CEP57: variants seen among roughly 807,000 people sequenced by gnomAD.
The protein encoded by CEP57 is centrosomal protein 57.
In CEP57, 40 loss-of-function variants were observed where a neutral mutation model predicts 68.0. That is an observed-to-expected ratio of 0.59 (90% CI 0.46 to 0.77). CEP57 has a LOEUF of 0.77. Ranked by LOEUF, CEP57 falls within the 30% of genes least tolerant of loss-of-function variation. CEP57 has a pLI of 0.00. For synonymous variants in CEP57, 219 were observed against 198.7 expected (o/e 1.10, Z -0.86); for missense variants, 606 against 580.7 (o/e 1.04, Z -0.45).
rs146538238 is a variant in CEP57 at position 95,831,156 on chromosome 11, T to A, written c.1403T>A (p.Leu468Gln). 43 of 1,613,378 alleles carry A rather than the reference T, an allele frequency of 2.7e-5. No homozygotes were observed. In the African/African-American group the frequency reaches 4.4e-4, roughly 17 times the overall value. Reference sequence around the variant, plus strand: ...ACAAATAAGAAAGATTTTATGAAACTGAGACCTGGAGAAAAAAGGAGAAAA... The same window carrying A: ...ACAAATAAGAAAGATTTTATGAAACAGAGACCTGGAGAAAAAAGGAGAAAA... ...GTTNKKDFMK[L>Q]RPGEKRRKNL... The change falls in exon 11 of 11, where the codon CTG becomes CAG. Residue 468 changes from leucine (L) to glutamine (Q), a missense_variant. By Grantham distance (113) the Leu-to-Gln change is moderately radical. Coordinates refer to ENST00000325542, the MANE Select transcript of CEP57 (RefSeq NM_014679.5).
chr11:95,800,602 A>G (rs1263693780), intron 2 of CEP57, among the ~76,000 whole-genome samples: 1 of 152,048 alleles, frequency 6.6e-6, no homozygotes, highest in African/African-American at 2.4e-5. Context: ...ATGTTGGCCC[A>G]GATGGTCTCA....
intron 2 of CEP57, among the ~76,000 whole-genome samples, chr11:95,812,092 T>G (rs1256652645): frequency 6.6e-6 from 1 of 152,158 alleles, no homozygotes; most frequent in Non-Finnish European, 1.5e-5. Context: ...TCAACATAAT[T>G]TTATAATCAA....
chr11:95,806,552 A>T (rs1861809761), intron 2 of CEP57, among the ~76,000 whole-genome samples: 1 of 152,150 alleles, frequency 6.6e-6, no homozygotes, highest in Non-Finnish European at 1.5e-5. Flanking sequence ...TGGTCTTAGC[A>T]AACGGCACAC....
rs1863046884 is a variant in CEP57, at chr11:95,832,454, G to A, written c.*1198G>A. The A allele has an allele frequency of 6.6e-6, 1 of 152,026 alleles. No homozygotes were observed. The highest frequency in any genetic ancestry group is 2.1e-4 in the South Asian group (1 of 4,826). 9.4% of individuals were successfully genotyped at this position (152,026 alleles called of 1,614,324 possible). Reference sequence around the variant, plus strand: ...TTAATTTAGGATCCTTAAGATTTTGGGGTATTATTTGTGACTCTCCTGAAA... The same window carrying A: ...TTAATTTAGGATCCTTAAGATTTTGAGGTATTATTTGTGACTCTCCTGAAA... On this transcript the variant is annotated 3_prime_UTR_variant, in exon 11 of 11. Coordinates refer to ENST00000325542, the MANE Select transcript of CEP57 (RefSeq NM_014679.5).
At chr11:95,823,698 T>A (rs1322393348) in intron 8 of CEP57, among the ~76,000 whole-genome samples, 1 of 152,194 alleles carries the variant, frequency 6.6e-6, no homozygotes, top group Non-Finnish European at 1.5e-5. Flanking sequence ...GTACGACTGA[T>A]AATTTTGTAG....
intron 1 of CEP57, among the ~76,000 whole-genome samples, chr11:95,791,076 C>T (rs1861035220): frequency 6.6e-6 from 1 of 152,194 alleles, no homozygotes; most frequent in South Asian, 2.1e-4. Context: ...CTCTTTTGGT[C>T]ACGTGGGTTC....
At chr11:95,819,020 C>A (rs1257383239) in intron 6 of CEP57, 116 bp downstream of exon 6, 17 of 814,292 alleles carry the variant, frequency 2.1e-5, no homozygotes, top group Non-Finnish European at 3.3e-5. Flanking sequence ...GTCCAACATA[C>A]AAATTTTCAG....
intron 4 of CEP57, 33 bp downstream of exon 4, chr11:95,813,622 G>T: frequency 1.2e-6 from 2 of 1,610,374 alleles, no homozygotes; most frequent in South Asian, 1.1e-5. Flanking sequence ...TGATACTCAA[G>T]AACAGTTATG....
chr11:95,808,510 AAAG>A (rs1861909833), intron 2 of CEP57, among the ~76,000 whole-genome samples: 2 of 152,200 alleles, frequency 1.3e-5, no homozygotes, highest in Non-Finnish European at 2.9e-5. Context: ...GCTCAAAATA[AAAG>A]GATGGAGGAA....
At chr11:95,790,956 C>G (rs537193450) in intron 1 of CEP57, among the ~76,000 whole-genome samples, 27 of 152,356 alleles carry the variant, frequency 1.8e-4, no homozygotes, top group African/African-American at 5.3e-4. Context: ...CTGGCCGCCC[C>G]TGTTCCCCAG....
intron 2 of CEP57, among the ~76,000 whole-genome samples, chr11:95,800,005 C>A (rs1406013081): frequency 6.6e-6 from 1 of 152,154 alleles, no homozygotes; most frequent in Non-Finnish European, 1.5e-5. Context: ...TACATTTATT[C>A]CTGGAACCTG....
chr11:95,790,951 C>T (rs753978469), intron 1 of CEP57, among the ~76,000 whole-genome samples: 5 of 152,204 alleles, frequency 3.3e-5, no homozygotes, highest in Non-Finnish European at 5.9e-5. Context: ...CTGGGCTGGC[C>T]GCCCCTGTTC....
chr11:95,822,680 C>CCTTTACCAGTGTGTGGATCATGA, intron 8 of CEP57, 104 bp downstream of exon 8: 1 of 1,049,704 alleles, frequency 9.5e-7, no homozygotes, highest in Non-Finnish European at 1.5e-6. Flanking sequence ...TTTTTCTGTG[C>CCTTTACCAGTGTGTGGATCATGA]CTTTACCAGT....
chr11:95,806,584 T>C (rs1463738188), intron 2 of CEP57, among the ~76,000 whole-genome samples: 3 of 150,954 alleles, frequency 2.0e-5, no homozygotes, highest in Non-Finnish European at 4.4e-5. Context: ...ATCCTGTTCC[T>C]GGCTCTGAGG....
At chr11:95,803,929 C>G (rs938610457) in intron 2 of CEP57, among the ~76,000 whole-genome samples, 2 of 151,972 alleles carry the variant, frequency 1.3e-5, no homozygotes, top group East Asian at 3.9e-4. Context: ...GTAGGTATAG[C>G]CATGTTGAGG....
chr11:95,831,156 T>C lies in CEP57; in HGVS notation c.1403T>C (p.Leu468Pro). 1.2e-6 allele frequency: 2 copies of C among 1,613,496 alleles called. No homozygotes were observed. Among genetic ancestry groups the C allele is most frequent in the Non-Finnish European group, 1.7e-6 (2 of 1,179,606 alleles). The change falls in exon 11 of 11, where the codon CTG becomes CCG. Residue 468 changes from leucine to proline, a missense_variant. By Grantham distance (98) the Leu-to-Pro change is moderately conservative. Coordinates refer to ENST00000325542, the MANE Select transcript of CEP57 (RefSeq NM_014679.5). ...ACAAATAAGAAAGATTTTATGAAAC[T>C]GAGACCTGGAGAAAAAAGGAGAAAA... ...GTTNKKDFMK[L>P]RPGEKRRKNL...
intron 2 of CEP57, among the ~76,000 whole-genome samples, chr11:95,810,597 A>T (rs193203265): frequency 8.1e-4 from 123 of 152,328 alleles, no homozygotes; most frequent in African/African-American, 2.8e-3. Flanking sequence ...CTCATTCACA[A>T]TTGCTTCAAA....
Position 95,822,506 on chromosome 11 carries a change from C to A in CEP57, c.815C>A (p.Ser272Tyr). Residue 272 changes from serine (S) to tyrosine (Y), a missense_variant, in exon 8 of 11, where the codon TCT (serine) becomes TAT (tyrosine). By Grantham distance (144) the Ser-to-Tyr change is moderately radical. Transcript: ENST00000325542. ...KKSKPPEKKS[S>Y]RNYFGAQPHY... ...CCTTTTCTTTTCATTCAGAAAAGTTCTAGGAACTATTTTGGTGCACAACCA... is the reference window on the plus strand; with the variant it reads ...CCTTTTCTTTTCATTCAGAAAAGTTATAGGAACTATTTTGGTGCACAACCA... 1.9e-6 allele frequency: 3 copies of A among 1,612,162 alleles called. No individual in the cohort carries two copies. The highest frequency in any genetic ancestry group is 2.5e-6 in the Non-Finnish European group (3 of 1,178,428).
At chr11:95,792,416 G>A (rs760576937) in intron 1 of CEP57, among the ~76,000 whole-genome samples, 8 of 152,200 alleles carry the variant, frequency 5.3e-5, no homozygotes, top group African/African-American at 7.2e-5. Flanking sequence ...GATCACTGAG[G>A]CTGAAGTGAG....
Sources: allele counts gnomAD v4.1 joint callset (sites outside exome capture counted in the v4.1 genomes callset), GRCh38; gene constraint gnomAD v4.1.1; transcripts MANE v1.5; gene names NCBI Gene and HGNC (gene_info 2026-07-23, HGNC 2026-07-21).